The following HDAC9 variants were observed in gnomAD, a reference collection of about 807,000 sequenced individuals.
HDAC9 encodes the protein MEF-2 interacting transcription repressor (MITR) protein.
Under a neutral mutation model 139.4 loss-of-function variants are expected in HDAC9, and 41 were observed. The ratio of observed to expected loss-of-function variants is 0.29; its 90% CI spans 0.23 to 0.38. The LOEUF (loss-of-function observed/expected upper bound fraction) is 0.38, where lower values mean the gene tolerates loss of function less well. Ranked by LOEUF, HDAC9 falls within the 10% of genes least tolerant of loss-of-function variation. The pLI is 1.00. For synonymous variants in HDAC9, 517 were observed against 476.2 expected (o/e 1.09, Z -1.12); for missense variants, 1,147 against 1,297.0 (o/e 0.88, Z 1.78).
intron 15 of HDAC9, among the ~76,000 whole-genome samples, chr7:18,765,853 A>C (rs1789788140): frequency 6.6e-6 from 1 of 152,128 alleles, no homozygotes; most frequent in Non-Finnish European, 1.5e-5. Context: ...ATATTATTTT[A>C]TGATTTTTAT....
intron 25 of HDAC9, among the ~76,000 whole-genome samples, chr7:18,988,751 A>G (rs1462054497): frequency 6.6e-6 from 1 of 151,590 alleles, no homozygotes; most frequent in East Asian, 1.9e-4. Flanking sequence ...GTGCCCCTGT[A>G]TTGGGTGCAT....
chr7:18,163,342 A>T (rs1002864206), intron 2 of HDAC9, among the ~76,000 whole-genome samples: 46 of 152,322 alleles, frequency 3.0e-4, no homozygotes, highest in Middle Eastern at 3.4e-3. Flanking sequence ...GATAATTGGC[A>T]TGTCACTAGG....
chr7:18,597,807 C>T (rs1237453096), intron 6 of HDAC9, among the ~76,000 whole-genome samples: 7 of 152,090 alleles, frequency 4.6e-5, no homozygotes, highest in Non-Finnish European at 1.0e-4. Flanking sequence ...CTAGATTAAC[C>T]TCTTAAAGTG....
At chr7:18,478,183 T>C (rs1275982569) in intron 1 of HDAC9, among the ~76,000 whole-genome samples, 4 of 152,270 alleles carry the variant, frequency 2.6e-5, no homozygotes, top group South Asian at 2.1e-4. Flanking sequence ...GCCGTTTTCC[T>C]GCCTCAGCCT....
chr7:18,762,622 T>C (rs922621772), intron 15 of HDAC9, among the ~76,000 whole-genome samples: 6 of 152,226 alleles, frequency 3.9e-5, no homozygotes, highest in African/African-American at 1.4e-4. Context: ...TATGCAAATT[T>C]CTCTTCACCG....
chr7:18,888,920 G>A (rs1343411305), intron 22 of HDAC9, among the ~76,000 whole-genome samples: 3 of 152,198 alleles, frequency 2.0e-5, no homozygotes, highest in African/African-American at 7.2e-5. Flanking sequence ...ATTCCATGCT[G>A]TTTTCCTCTT....
At chr7:18,393,137 T>A (rs9655157) in intron 1 of HDAC9, among the ~76,000 whole-genome samples, 9,439 of 127,532 alleles carry the variant, frequency 0.074, 758 homozygotes, top group African/African-American at 0.19. Flanking sequence ...TTTTTTTTTT[T>A]AAAAAAACAT....
intron 2 of HDAC9, among the ~76,000 whole-genome samples, chr7:18,213,839 C>T (rs1456686817): frequency 1.3e-5 from 2 of 152,108 alleles, no homozygotes; most frequent in East Asian, 1.9e-4. Flanking sequence ...GTCTACCAGG[C>T]ATCATGTAAC....
At chr7:18,558,286 T>G (rs971276378) in intron 2 of HDAC9, among the ~76,000 whole-genome samples, 36 of 152,218 alleles carry the variant, frequency 2.4e-4, no homozygotes, top group African/African-American at 7.7e-4. Flanking sequence ...CTAAATATAG[T>G]GTATTTCCGG....
At chr7:18,985,639 C>T (rs1343469610) in intron 25 of HDAC9, among the ~76,000 whole-genome samples, 8 of 146,362 alleles carry the variant, frequency 5.5e-5, no homozygotes, top group Admixed American at 1.4e-4. Context: ...CCTGAGGAAT[C>T]GCCACACTGA....
intron 22 of HDAC9, among the ~76,000 whole-genome samples, chr7:18,906,408 G>T (rs1184697429): frequency 6.6e-6 from 1 of 152,124 alleles, no homozygotes; most frequent in Non-Finnish European, 1.5e-5. Context: ...GCCTCCCAAA[G>T]TGCTGGGATT....
At chr7:18,805,104 A>G (rs1793600789) in intron 17 of HDAC9, among the ~76,000 whole-genome samples, 1 of 152,192 alleles carries the variant, frequency 6.6e-6, no homozygotes, top group Non-Finnish European at 1.5e-5. Flanking sequence ...GCCCAGTGGA[A>G]GATTCTTAAA....
chr7:18,987,800 G>A (rs1785493137), intron 25 of HDAC9, among the ~76,000 whole-genome samples: 1 of 152,156 alleles, frequency 6.6e-6, no homozygotes, highest in Non-Finnish European at 1.5e-5. Context: ...TCTTGGGAGA[G>A]TGTATGTGTC....
rs558944002 is a variant in HDAC9, at chr7:18,914,109, G to A, written c.2804-21700G>A. Among the ~76,000 whole-genome samples, 6 of 151,882 alleles carry A rather than the reference G, an allele frequency of 4.0e-5. No individual in the cohort carries two copies. The South Asian group carries it at 1.0e-3, about 26-fold the overall frequency. On this transcript the variant is annotated intron_variant, in intron 22 of 25. Coordinates refer to ENST00000686413, the MANE Select transcript of HDAC9 (RefSeq NM_178425.4). The stretch of plus-strand genomic sequence containing the variant: ...TAGTGCCCTCAATTAAGAGGCCATC[G>A]AGAGCTGTCTTGCCTCTCACACCAT...
intron 1 of HDAC9, among the ~76,000 whole-genome samples, chr7:18,486,880 T>C (rs1288762484): frequency 3.4e-4 from 51 of 152,118 alleles, no homozygotes; most frequent in Non-Finnish European, 8.8e-5. Flanking sequence ...TGAAAATAAG[T>C]ATGAATGGAA....
chr7:18,525,682 A>AT (rs1215677710), intron 2 of HDAC9, among the ~76,000 whole-genome samples: 1 of 152,122 alleles, frequency 6.6e-6, no homozygotes, highest in Non-Finnish European at 1.5e-5. Flanking sequence ...TGAAACATAG[A>AT]ATATATTAAT....
chr7:18,752,673 A>G (rs997178101), intron 14 of HDAC9, among the ~76,000 whole-genome samples: 7 of 152,108 alleles, frequency 4.6e-5, no homozygotes, highest in African/African-American at 1.7e-4. Flanking sequence ...GGAAATAAGA[A>G]CTCAGTTGTT....
chr7:18,651,399 T>C (rs1488549057), intron 11 of HDAC9, among the ~76,000 whole-genome samples: 1 of 152,134 alleles, frequency 6.6e-6, no homozygotes, highest in Non-Finnish European at 1.5e-5. Context: ...TTTATTTCCT[T>C]TTTATGATTC....
chr7:18,235,977 A>C (rs1793787225), intron 2 of HDAC9, among the ~76,000 whole-genome samples: 1 of 152,186 alleles, frequency 6.6e-6, no homozygotes, highest in Non-Finnish European at 1.5e-5. Flanking sequence ...CTACAACTGC[A>C]CATTTCTTTG....
Sources: gnomAD v4.1 joint callset for allele counts (sites outside exome capture counted in the v4.1 genomes callset) on GRCh38, gnomAD v4.1.1 for gene constraint, MANE v1.5 for transcripts, NCBI Gene and HGNC (gene_info 2026-07-23, HGNC 2026-07-21) for gene names.